The following GPHN variants were observed in gnomAD, a reference collection of about 807,000 sequenced individuals.
GPHN encodes the protein gephyrin.
In GPHN, 17 loss-of-function variants were observed where a neutral mutation model predicts 95.5. The ratio of observed to expected loss-of-function variants is 0.18; its 90% confidence interval spans 0.12 to 0.27. The LOEUF is 0.27. Among genes scored for constraint, GPHN ranks in the 10% least tolerant of loss-of-function variants. The pLI, the probability that GPHN is intolerant of heterozygous loss-of-function variation, is 1.00. For synonymous variants in GPHN, 320 were observed against 322.5 expected, an observed-to-expected ratio of 0.99 and a Z score of 0.08; for missense variants, 660 against 978.1, an observed-to-expected ratio of 0.67 and a Z score of 4.34.
chr14:66,799,824 A>T (rs992216119), intron 3 of GPHN, among the ~76,000 whole-genome samples: 1 of 151,992 alleles, frequency 6.6e-6, no homozygotes, highest in Non-Finnish European at 1.5e-5. Context: ...TATTATTGAT[A>T]AGTAAGGATT....
chr14:67,297,823 G>T, the GPHN span, among the ~76,000 whole-genome samples: 1 of 152,184 alleles, frequency 6.6e-6, no homozygotes, highest in Non-Finnish European at 1.5e-5. Context: ...TCTGCCAATA[G>T]TCAGATATGA....
chr14:67,309,315 A>T, the GPHN span, among the ~76,000 whole-genome samples: 2 of 152,308 alleles, frequency 1.3e-5, no homozygotes, highest in Middle Eastern at 6.8e-3. Context: ...TATGGATAAA[A>T]GTCATATAGT....
chr14:67,646,776 C>A, the GPHN span: 1 of 1,547,012 alleles, frequency 6.5e-7, no homozygotes, highest in Non-Finnish European at 8.9e-7. Context: ...AGGGCCTGTC[C>A]TAGCCAATTA....
At chr14:67,023,438 T>G (rs1567223665) in intron 9 of GPHN, among the ~76,000 whole-genome samples, 195 bp from the exon 10 acceptor site, 1 of 152,112 alleles carries the variant, frequency 6.6e-6, no homozygotes, top group Non-Finnish European at 1.5e-5. Context: ...TTTCTGGAAG[T>G]CAGTTCTTTC....
At chr14:67,060,770 T>G (rs2075793536) in intron 11 of GPHN, among the ~76,000 whole-genome samples, 1 of 152,202 alleles carries the variant, frequency 6.6e-6, no homozygotes, top group South Asian at 2.1e-4. Flanking sequence ...TTTGGCTCTT[T>G]TCACATCTTG....
At chr14:67,150,586 A>G (rs2081222161) in intron 18 of GPHN, among the ~76,000 whole-genome samples, 1 of 151,946 alleles carries the variant, frequency 6.6e-6, no homozygotes, top group Non-Finnish European at 1.5e-5. Context: ...AAATAAGCCT[A>G]TAGAAGTTTA....
At chr14:67,369,258 A>G in the GPHN span, among the ~76,000 whole-genome samples, 1 of 152,366 alleles carries the variant, frequency 6.6e-6, no homozygotes, top group Admixed American at 6.5e-5. Context: ...AAGACATAGT[A>G]TTTTCAGATT....
intron 15 of GPHN, among the ~76,000 whole-genome samples, chr14:67,112,250 G>T (rs2078420582): frequency 6.6e-6 from 1 of 152,094 alleles, no homozygotes; most frequent in South Asian, 2.1e-4. Flanking sequence ...TATCAACTCA[G>T]ATAATACCAG....
chr14:67,196,462 T>C, the GPHN span, among the ~76,000 whole-genome samples: 1 of 152,196 alleles, frequency 6.6e-6, no homozygotes, highest in Admixed American at 6.5e-5. Flanking sequence ...CCTAAGGTGA[T>C]CTGCCCGCCT....
At chr14:67,188,283 T>C in the GPHN span, among the ~76,000 whole-genome samples, 1 of 152,208 alleles carries the variant, frequency 6.6e-6, no homozygotes, top group African/African-American at 2.4e-5. Context: ...TTAAAAGCAT[T>C]TTAAAGACGC....
intron 1 of GPHN, among the ~76,000 whole-genome samples, chr14:66,664,559 C>T (rs908020830): frequency 4.6e-5 from 7 of 151,954 alleles, no homozygotes; most frequent in African/African-American, 1.5e-4. Context: ...AACCTAATGT[C>T]ACAATGAAAA....
chr14:67,243,015 ATC>A, the GPHN span, among the ~76,000 whole-genome samples: 2 of 152,210 alleles, frequency 1.3e-5, no homozygotes, highest in Non-Finnish European at 2.9e-5. Flanking sequence ...TGTTTTCAGG[ATC>A]TCCTGAGGGC....
chr14:66,530,662 G>A (rs2058885559), intron 1 of GPHN, among the ~76,000 whole-genome samples: 1 of 152,172 alleles, frequency 6.6e-6, no homozygotes, highest in Non-Finnish European at 1.5e-5. Context: ...GAGCCTGAGT[G>A]CACAGTTCCT....
intron 4 of GPHN, among the ~76,000 whole-genome samples, chr14:66,864,637 G>C (rs1258192247): frequency 6.6e-6 from 1 of 152,120 alleles, no homozygotes; most frequent in South Asian, 2.1e-4. Context: ...ACCGGGCATG[G>C]TGGCACATGC....
the GPHN span, among the ~76,000 whole-genome samples, chr14:67,293,697 A>G: frequency 6.6e-6 from 1 of 152,226 alleles, no homozygotes; most frequent in Non-Finnish European, 1.5e-5. Context: ...GGATAGAAGG[A>G]AAAGACGAGT....
the GPHN span, among the ~76,000 whole-genome samples, chr14:67,309,395 C>A: frequency 6.6e-6 from 1 of 152,022 alleles, no homozygotes; most frequent in Non-Finnish European, 1.5e-5. Context: ...AATAAATTTT[C>A]CTTAGGAAAA....
intron 3 of GPHN, among the ~76,000 whole-genome samples, chr14:66,776,850 C>T (rs1175688005): frequency 6.7e-6 from 1 of 149,218 alleles, no homozygotes; most frequent in Non-Finnish European, 1.5e-5. Context: ...AATTTCTTTT[C>T]CCTATAAGCC....
At chr14:66,650,092 C>CAA (rs112227406) in intron 1 of GPHN, among the ~76,000 whole-genome samples, 7,598 of 119,530 alleles carry the variant, frequency 0.064, 271 homozygotes, top group Middle Eastern at 0.093. Flanking sequence ...GACTGCCAAC[C>CAA]AAAAAAAAAA....
intron 7 of GPHN, among the ~76,000 whole-genome samples, 168 bp downstream of exon 7, chr14:66,923,106 T>C (rs1011574643): frequency 1.3e-5 from 2 of 152,212 alleles, no homozygotes; most frequent in Non-Finnish European, 2.9e-5. Context: ...CTTCTTGATA[T>C]AGATTCCTTG....
Sources: gnomAD v4.1 joint callset for allele counts (sites outside exome capture counted in the v4.1 genomes callset) on GRCh38, gnomAD v4.1.1 for gene constraint, MANE v1.5 for transcripts, NCBI Gene and HGNC (gene_info 2026-07-23, HGNC 2026-07-21) for gene names.